LSAMP: variants seen among roughly 807,000 people sequenced by gnomAD.
The protein encoded by LSAMP is limbic system-associated membrane protein.
Under a neutral mutation model 38.6 loss-of-function variants are expected in LSAMP, and 7 were observed. The ratio of observed to expected loss-of-function variants is 0.18; its 90% confidence interval spans 0.10 to 0.34. The LOEUF is 0.34. Among genes scored for constraint, LSAMP ranks in the 10% least tolerant of loss-of-function variants. LSAMP has a pLI of 1.00. For synonymous variants in LSAMP, 154 were observed against 166.8 expected (o/e 0.92, Z 0.59); for missense variants, 313 against 420.0 (o/e 0.75, Z 2.23).
chr3:115,978,605 TAAAC>T lies in LSAMP; in HGVS notation c.514+40906_514+40909del, dbSNP rs1939260318. Among the ~76,000 whole-genome samples the T allele has an allele frequency of 2.0e-5, 3 of 151,418 alleles. No individual in the cohort carries two copies. In the South Asian group the frequency reaches 6.3e-4, roughly 32 times the overall value. On this transcript the variant is annotated intron_variant, in intron 3 of 6. Transcript: ENST00000490035. ...TATTATTAGCAGTATTCCTACTAAA[TAAAC>T]AAACTATCCTACAGTGATTACCTCC...
chr3:116,233,166 C>A (rs1329222891), intron 1 of LSAMP, among the ~76,000 whole-genome samples: 1 of 151,916 alleles, frequency 6.6e-6, no homozygotes, highest in Non-Finnish European at 1.5e-5. Flanking sequence ...GAAATGATGG[C>A]ACTTTGGGAG....
intron 1 of LSAMP, among the ~76,000 whole-genome samples, chr3:116,199,576 T>A (rs1234382712): frequency 6.6e-6 from 1 of 152,004 alleles, no homozygotes; most frequent in African/African-American, 2.4e-5. Context: ...CTAGGATAAA[T>A]AAATGAGTGA....
chr3:115,828,747 A>AT (rs945982070), intron 6 of LSAMP, among the ~76,000 whole-genome samples: 6 of 151,896 alleles, frequency 4.0e-5, no homozygotes, highest in Non-Finnish European at 7.4e-5. Context: ...TACTTTGAAA[A>AT]TTTTTTTTTC....
intron 1 of LSAMP, among the ~76,000 whole-genome samples, chr3:116,148,777 C>A (rs1436411216): frequency 6.6e-6 from 1 of 151,972 alleles, no homozygotes; most frequent in African/African-American, 2.4e-5. Flanking sequence ...GGGCCTATTG[C>A]AGATTCAGAA....
At chr3:116,215,887 C>G (rs1159864319) in intron 1 of LSAMP, among the ~76,000 whole-genome samples, 1 of 152,116 alleles carries the variant, frequency 6.6e-6, no homozygotes, top group East Asian at 1.9e-4. Flanking sequence ...AATTATTCAC[C>G]ATTGTAAAGG....
intron 1 of LSAMP, among the ~76,000 whole-genome samples, chr3:116,357,229 A>C (rs893559428): frequency 1.3e-5 from 2 of 152,216 alleles, no homozygotes; most frequent in African/African-American, 4.8e-5. Flanking sequence ...TCAATGTGAA[A>C]AAACTATAAT....
intron 3 of LSAMP, among the ~76,000 whole-genome samples, chr3:115,932,851 G>C (rs1484961801): frequency 6.6e-6 from 1 of 152,096 alleles, no homozygotes. Context: ...ATAAATAAGA[G>C]AGTAATGGCC....
chr3:116,367,987 T>C (rs2048378341), intron 1 of LSAMP: 1 of 152,204 alleles, frequency 6.6e-6, no homozygotes, highest in Non-Finnish European at 1.5e-5. Context: ...TACTGGTCTC[T>C]AAGCACAAAC....
intron 1 of LSAMP, among the ~76,000 whole-genome samples, chr3:116,202,650 T>C (rs2046003186): frequency 6.6e-6 from 1 of 151,674 alleles, no homozygotes; most frequent in Non-Finnish European, 1.5e-5. Flanking sequence ...TTTAGAACTT[T>C]GGGGCTCAAG....
chr3:116,438,480 T>G (rs1187053723), intron 1 of LSAMP, among the ~76,000 whole-genome samples: 1 of 152,206 alleles, frequency 6.6e-6, no homozygotes, highest in African/African-American at 2.4e-5. Flanking sequence ...TTACATCCTT[T>G]ATGAAAAGTC....
intron 2 of LSAMP, among the ~76,000 whole-genome samples, chr3:116,064,502 CAAAAA>C (rs1241685941): frequency 1.1e-5 from 1 of 90,398 alleles, no homozygotes; most frequent in Non-Finnish European, 2.3e-5. Context: ...GACTCCGTCT[CAAAAA>C]AAAAAAAAAA....
At chr3:116,207,104 T>C (rs1246965269) in intron 1 of LSAMP, among the ~76,000 whole-genome samples, 1 of 152,150 alleles carries the variant, frequency 6.6e-6, no homozygotes, top group Non-Finnish European at 1.5e-5. Context: ...TGGGTGCATA[T>C]ATATTTAGAA....
In LSAMP at chr3:115,805,590, T is replaced by G. The variant is rs1403296345; in HGVS notation, c.*4727A>C. 1 of 152,190 alleles carries G rather than the reference T, an allele frequency of 6.6e-6. No individual in the cohort carries two copies. Among genetic ancestry groups the G allele is most frequent in the East Asian group, 1.9e-4 (1 of 5,200 alleles). 9.4% of individuals were successfully genotyped at this position (152,190 alleles called of 1,614,324 possible). ...AAGGTTTAAAATAAGTTTTCCATAA[T>G]ATTCATAAACATTTTCGCTGGTGTA... On this transcript the variant is annotated 3_prime_UTR_variant, in exon 7 of 7. Transcript: ENST00000490035.
At chr3:115,861,160 TC>T (rs1935679503) in intron 3 of LSAMP, among the ~76,000 whole-genome samples, 1 of 110,524 alleles carries the variant, frequency 9.0e-6, no homozygotes, top group Non-Finnish European at 1.8e-5. Flanking sequence ...CTTCCTTCCT[TC>T]CTTCCTTCCT....
chr3:116,011,452 G>C (rs1050680702), intron 3 of LSAMP, among the ~76,000 whole-genome samples: 2 of 152,060 alleles, frequency 1.3e-5, no homozygotes, highest in Non-Finnish European at 2.9e-5. Flanking sequence ...AAATATAAAA[G>C]GAGTATAATT....
chr3:116,301,039 G>C (rs962523953), intron 1 of LSAMP, among the ~76,000 whole-genome samples: 1 of 151,774 alleles, frequency 6.6e-6, no homozygotes, highest in African/African-American at 2.4e-5. Context: ...AATGAAAAAA[G>C]CTAATATATT....
rs146847069 is a variant in LSAMP at position 116,029,554 on chromosome 3, A to C, written c.389-9914T>G. ...AGATAATATGCTAACTATTTAGAAG[A>C]AAAGATAAAATGTATGCACAAAACA... is the stretch of plus-strand genomic sequence containing the variant. On this transcript the variant is annotated intron_variant, in intron 2 of 6. Coordinates refer to ENST00000490035, the MANE Select transcript of LSAMP (RefSeq NM_002338.5). Among the ~76,000 whole-genome samples, 702 of 152,278 alleles carry C rather than the reference A, an allele frequency of 4.6e-3. 2 individuals carry two copies. Among genetic ancestry groups the C allele is most frequent in the African/African-American group, 0.016 (671 of 41,560 alleles).
intron 3 of LSAMP, among the ~76,000 whole-genome samples, chr3:115,860,394 G>GGAT (rs1219106863): frequency 6.7e-6 from 1 of 150,110 alleles, no homozygotes; most frequent in Non-Finnish European, 1.5e-5. Flanking sequence ...GAATGCTGAA[G>GGAT]GATGCTACAG....
intron 1 of LSAMP, among the ~76,000 whole-genome samples, chr3:116,321,062 T>C (rs1424297762): frequency 6.6e-6 from 1 of 152,156 alleles, no homozygotes; most frequent in East Asian, 1.9e-4. Context: ...ATGAGCCAGT[T>C]TAATCACTGT....
Sources: gnomAD v4.1 joint callset for allele counts (sites outside exome capture counted in the v4.1 genomes callset) on GRCh38, gnomAD v4.1.1 for gene constraint, MANE v1.5 for transcripts, NCBI Gene and HGNC (gene_info 2026-07-23, HGNC 2026-07-21) for gene names.